RFX2: variants seen among roughly 807,000 people sequenced by gnomAD.
The protein encoded by RFX2 is regulatory factor X2.
In RFX2, 20 loss-of-function variants were observed where a neutral mutation model predicts 87.8. The observed-to-expected ratio is 0.23, with a 90% CI of 0.16 to 0.33. The LOEUF is 0.33. Ranked by LOEUF, RFX2 falls within the 10% of genes least tolerant of loss-of-function variation. The pLI is 1.00. For missense variants in RFX2, 767 were observed against 1,012.3 expected, an observed-to-expected ratio of 0.76 and a Z score of 3.29; for synonymous variants, 397 against 431.3, an observed-to-expected ratio of 0.92 and a Z score of 0.98.
At chr19:6,088,328 C>T (rs1307430305) in intron 1 of RFX2, among the ~76,000 whole-genome samples, 1 of 151,024 alleles carries the variant, frequency 6.6e-6, no homozygotes, top group East Asian at 2.0e-4. Flanking sequence ...TCTCCTGCCT[C>T]AGCCTCCTGA....
intron 12 of RFX2, among the ~76,000 whole-genome samples, chr19:6,005,427 T>C (rs2086567754): frequency 6.6e-6 from 1 of 152,334 alleles, no homozygotes; most frequent in Admixed American, 6.5e-5. Flanking sequence ...TGCTGTGATT[T>C]ATGAAGAGAG....
Position 6,050,108 on chromosome 19 carries a change from A to C in RFX2, c.-8-2604T>G, listed in dbSNP as rs561434615. On this transcript the variant is annotated intron_variant, in intron 1 of 17. Transcript: ENST00000303657. The surrounding 1 kb of genome is among the most constrained non-coding windows in gnomAD (Gnocchi z 4.6). The stretch of plus-strand genomic sequence containing the variant: ...ACTACACCACAAAGGTGTGGGGGAG[A>C]TACCAGGGGTCTTGGGGAAAAACCA... Among the ~76,000 whole-genome samples the C allele has an allele frequency of 2.9e-4, 44 of 152,328 alleles. No individual in the cohort carries two copies. In the South Asian group the frequency reaches 8.9e-3, roughly 31 times the overall value.
In RFX2 at chr19:6,089,992, G is replaced by A. The variant is rs768191297; in HGVS notation, c.-9+20401C>T. On this transcript the variant is annotated intron_variant, in intron 1 of 17. Transcript: ENST00000303657. ...TTTGTTTGTTTTGAGACAGGTTCTCGCTTTTGTCACTCAGGCTGGAGTACA... is the reference window on the plus strand; with the variant it reads ...TTTGTTTGTTTTGAGACAGGTTCTCACTTTTGTCACTCAGGCTGGAGTACA... Among the ~76,000 whole-genome samples the A allele has an allele frequency of 5.9e-5, 9 of 151,982 alleles. No homozygotes were observed. The South Asian group carries it at 6.2e-4, about 11-fold the overall frequency.
rs548707792 is a variant in RFX2, at chr19:6,074,720, G to A, written c.-8-27216C>T. On this transcript the variant is annotated intron_variant, in intron 1 of 17. Transcript: ENST00000303657. The surrounding 1 kb of genome is among the most constrained non-coding windows in gnomAD (Gnocchi z 5.2). ...TGCGGCATGGGCCAGGGGCAACAAG[G>A]TGACCTGGGGCAGTGACAGGACAGA... is the stretch of plus-strand genomic sequence containing the variant. Among the ~76,000 whole-genome samples the A allele has an allele frequency of 1.6e-3, 244 of 152,316 alleles. 2 individuals are homozygous for A. The highest frequency in any genetic ancestry group is 2.6e-3 in the Non-Finnish European group (177 of 68,026).
chr19:6,110,497 C>G lies in RFX2; in HGVS notation c.-113G>C, dbSNP rs1324558796. On this transcript the variant is annotated 5_prime_UTR_variant, in exon 1 of 18. Coordinates refer to ENST00000303657, the MANE Select transcript of RFX2 (RefSeq NM_000635.4). The surrounding 1 kb of genome is among the most constrained non-coding windows in gnomAD (Gnocchi z 4.3). ...GTAACAGTCTCCACGGCTACAGTCT[C>G]TATGGCGGCGGCGGTGGCGGCGGCG... 1.3e-5 allele frequency: 2 copies of G among 154,226 alleles called. No homozygotes were observed. The highest frequency in any genetic ancestry group is 2.9e-5 in the Non-Finnish European group (2 of 69,276). 9.6% of individuals were successfully genotyped at this position (154,226 alleles called of 1,614,324 possible). A position where few individuals can be genotyped will look rare whatever the true frequency, so the allele number is the denominator to read the frequency against.
Position 6,023,922 on chromosome 19 carries a change from G to C in RFX2, c.597+2241C>G, listed in dbSNP as rs1004301261. Among the ~76,000 whole-genome samples the C allele has an allele frequency of 5.9e-5, 9 of 152,254 alleles. No homozygotes were observed. Among genetic ancestry groups the C allele is most frequent in the African/African-American group, 2.2e-4 (9 of 41,552 alleles). ...AGCCTCCAGAGTAGCTGGGACTACA[G>C]GCATGTGCCACCACGCCCGGCTAAT... is the stretch of plus-strand genomic sequence containing the variant. On this transcript the variant is annotated intron_variant, in intron 6 of 17. Transcript: ENST00000303657. This position sits in a 1 kb window ranked among gnomAD's most constrained non-coding sequence, Gnocchi z 4.9.
chr19:6,033,627 A>C (rs1002604543), intron 5 of RFX2, among the ~76,000 whole-genome samples: 1 of 151,502 alleles, frequency 6.6e-6, no homozygotes, highest in Non-Finnish European at 1.5e-5. Flanking sequence ...AAAAAAAAAA[A>C]AAAAAAAAAC....
intron 1 of RFX2, among the ~76,000 whole-genome samples, chr19:6,100,126 G>C (rs1006251870): frequency 1.3e-5 from 2 of 152,198 alleles, no homozygotes; most frequent in East Asian, 3.8e-4. Context: ...TGAGGGAAGA[G>C]TAGGATTTTC....
Position 6,004,242 on chromosome 19 carries a change from T to C in RFX2, c.1459A>G (p.Asn487Asp). Residue 487 changes from asparagine to aspartate, a missense_variant, in exon 13 of 18, where the codon AAT becomes GAT. Asn to Asp is a conservative substitution (Grantham distance 23). Around this residue, in one of 2 missense-constraint regions of RFX2, gnomAD observed 621 missense variants for 873.0 expected, o/e 0.71. Coordinates refer to ENST00000303657, the MANE Select transcript of RFX2 (RefSeq NM_000635.4). The surrounding 1 kb of genome is among the most constrained non-coding windows in gnomAD (Gnocchi z 4.8). ...FAKSLEGWLT[N>D]AMSDFPQQVI... ...TGTTGTGGGAAGTCACTCATGGCAT[T>C]TGTCAACCAGCCTTCCAAGCTCTTG... is the stretch of plus-strand genomic sequence containing the variant. 6.2e-7 allele frequency: 1 copy of C among 1,613,996 alleles called. No homozygotes were observed. The highest frequency in any genetic ancestry group is 8.5e-7 in the Non-Finnish European group (1 of 1,179,954).
intron 1 of RFX2, among the ~76,000 whole-genome samples, chr19:6,055,672 C>T (rs1249508808): frequency 1.3e-5 from 2 of 152,152 alleles, no homozygotes; most frequent in Non-Finnish European, 2.9e-5. Context: ...GATCTGCCCA[C>T]CTCAGCCTTA....
chr19:6,104,634 T>C (rs10401490), intron 1 of RFX2, among the ~76,000 whole-genome samples: 12,255 of 151,784 alleles, frequency 0.081, 534 homozygotes, highest in Middle Eastern at 0.11. Context: ...CTCAAACTCC[T>C]GGGTTCAAGC....
chr19:6,062,093 T>G (rs1343870733), intron 1 of RFX2, among the ~76,000 whole-genome samples: 1 of 151,910 alleles, frequency 6.6e-6, no homozygotes, highest in Non-Finnish European at 1.5e-5. Flanking sequence ...GTCAGGAATT[T>G]GAGGTTGAAG....
chr19:6,003,668 A>G (rs3795016), intron 13 of RFX2, among the ~76,000 whole-genome samples: 11 of 149,720 alleles, frequency 7.3e-5, no homozygotes, highest in Non-Finnish European at 1.3e-4. Context: ...AATCCCAGCT[A>G]TTCGGGAGGC....
chr19:5,996,285 C>A (rs866408433), intron 16 of RFX2, among the ~76,000 whole-genome samples: 2 of 152,280 alleles, frequency 1.3e-5, no homozygotes, highest in Admixed American at 1.3e-4. Context: ...CCCACGCAGC[C>A]CCGTTCACGA....
At chr19:6,072,536 C>G (rs1368976436) in intron 1 of RFX2, among the ~76,000 whole-genome samples, 1 of 152,008 alleles carries the variant, frequency 6.6e-6, no homozygotes, top group Non-Finnish European at 1.5e-5. Flanking sequence ...GACCTCGTCT[C>G]TAGAGAAAAA....
Position 6,026,204 on chromosome 19 carries a change from C to T in RFX2, c.556G>A (p.Glu186Lys), listed in dbSNP as rs756275822. 6.2e-6 allele frequency: 10 copies of T among 1,613,050 alleles called. No individual in the cohort carries two copies. Among genetic ancestry groups the T allele is most frequent in the African/African-American group, 2.7e-5 (2 of 74,502 alleles). Residue 186 changes from glutamate (E) to lysine (K), a missense_variant, in exon 6 of 18, where the codon GAA becomes AAA. Glu to Lys is a moderately conservative substitution (Grantham distance 56). Around this residue, in one of 2 missense-constraint regions of RFX2, gnomAD observed 621 missense variants for 873.0 expected, o/e 0.71. Coordinates refer to ENST00000303657, the MANE Select transcript of RFX2 (RefSeq NM_000635.4). The surrounding 1 kb of genome is among the most constrained non-coding windows in gnomAD (Gnocchi z 4.5). ...EMAIENLQKS[E>K]GITSHKSGLL... ...CCGCTTTTGTGTGATGTGATTCCTT[C>T]GCTTTTTTGGAGGTTTTCAATCGCC...
At chr19:6,073,007 TCTCA>T (rs2087631418) in intron 1 of RFX2, 1 of 542,368 alleles carries the variant, frequency 1.8e-6, no homozygotes, top group Admixed American at 2.6e-5. Context: ...TGAGACAGAG[TCTCA>T]CTCTGTTGTG....
At chr19:6,066,930 TA>T (rs1456666789) in intron 1 of RFX2, among the ~76,000 whole-genome samples, 1 of 151,806 alleles carries the variant, frequency 6.6e-6, no homozygotes, top group Non-Finnish European at 1.5e-5. Flanking sequence ...TAACCAGATC[TA>T]AAAAAAACCC....
chr19:6,050,565 A>G lies in RFX2; in HGVS notation c.-8-3061T>C, dbSNP rs2087254203. On this transcript the variant is annotated intron_variant, in intron 1 of 17. Transcript: ENST00000303657. The surrounding 1 kb of genome is among the most constrained non-coding windows in gnomAD (Gnocchi z 4.6). ...ATTCTAGAGCAATAACTGAAACAAA[A>G]ACTTAACTGGATGCACTCAACAGCT... 6.6e-6 allele frequency among the ~76,000 whole-genome samples: 1 copy of G among 152,198 alleles called. No individual in the cohort carries two copies. Among genetic ancestry groups the G allele is most frequent in the Admixed American group, 6.5e-5 (1 of 15,284 alleles).
Sources: allele counts gnomAD v4.1 joint callset (sites outside exome capture counted in the v4.1 genomes callset), GRCh38; gene constraint gnomAD v4.1.1; regional missense constraint gnomAD v4.1.1; non-coding constraint Gnocchi (gnomAD v3.1); transcripts MANE v1.5; gene names NCBI Gene and HGNC (gene_info 2026-07-23, HGNC 2026-07-21).